The following CORO7 variants were observed in gnomAD, a reference collection of about 807,000 sequenced individuals.
The protein encoded by CORO7 is coronin-7.
A neutral mutation model predicts 126.6 loss-of-function variants in CORO7; 107 were observed. The ratio of observed to expected loss-of-function variants is 0.85; its 90% CI spans 0.72 to 0.99. The LOEUF (loss-of-function observed/expected upper bound fraction) is 0.99, where lower values mean the gene tolerates loss of function less well. CORO7 is among the 50% of genes least tolerant of loss of function. The pLI is 0.00. For synonymous variants in CORO7, 603 were observed against 536.8 expected (o/e 1.12, Z -1.70); for missense variants, 1,314 against 1,255.8 (o/e 1.05, Z -0.70).
chr16:4,368,790 G>A (rs1419356180), intron 9 of CORO7, among the ~76,000 whole-genome samples: 1 of 150,838 alleles, frequency 6.6e-6, no homozygotes. Flanking sequence ...GGGTAACACA[G>A]CAAGACCCTA....
intron 6 of CORO7, among the ~76,000 whole-genome samples, chr16:4,398,023 C>T (rs1170184226): frequency 6.6e-6 from 1 of 152,184 alleles, no homozygotes; most frequent in Admixed American, 6.6e-5. Context: ...TAAAGCAATC[C>T]TCCCACCTCA....
intron 7 of CORO7, among the ~76,000 whole-genome samples, chr16:4,391,944 C>T (rs796285856): frequency 7.9e-5 from 12 of 152,322 alleles, no homozygotes; most frequent in African/African-American, 2.2e-4. Flanking sequence ...GGCGCGTGCC[C>T]GCCCCTTCAT....
At chr16:4,372,094 C>T (rs12927417) in intron 9 of CORO7, 1 of 151,638 alleles carries the variant, frequency 6.6e-6, no homozygotes, top group Non-Finnish European at 1.5e-5. Flanking sequence ...CACACGCACT[C>T]TCGGGCGGGA....
At chr16:4,401,726 A>G (rs543011820) in intron 6 of CORO7, among the ~76,000 whole-genome samples, 1 of 152,206 alleles carries the variant, frequency 6.6e-6, no homozygotes, top group East Asian at 1.9e-4. Context: ...GACAGGCAGG[A>G]CACGAGCGAC....
intron 9 of CORO7, among the ~76,000 whole-genome samples, chr16:4,378,924 A>G (rs138027720): frequency 2.4e-4 from 37 of 152,170 alleles, no homozygotes; most frequent in African/African-American, 8.9e-4. Context: ...CGACTCTGGC[A>G]GTGCGATACT....
chr16:4,364,505 C>T, intron 13 of CORO7, 92 bp from the exon 14 acceptor site: 1 of 1,488,818 alleles, frequency 6.7e-7, no homozygotes, highest in Non-Finnish European at 9.0e-7. Flanking sequence ...GGATGGGGGG[C>T]ACCCAGCAGG....
At chr16:4,356,361 C>G (rs990341659) in intron 26 of CORO7, 7 of 152,332 alleles carry the variant, frequency 4.6e-5, no homozygotes, top group African/African-American at 1.7e-4. Context: ...TCCCAAAGTG[C>G]TGGGATTACA....
At position 4,364,926 on chromosome 16, in the gene CORO7, G is replaced by A. The variant is rs749711120; in HGVS notation, c.899-6C>T. On this transcript the variant is annotated splice_region_variant and splice_polypyrimidine_tract_variant and intron_variant, in intron 11 of 27. Coordinates refer to ENST00000251166, the MANE Select transcript of CORO7 (RefSeq NM_024535.5). Reference sequence around the variant, plus strand: ...CTCCAGGACACACTGGGTCACTGTTGAGGACACCATAGGGGAACAGGCAGG... The same window carrying A: ...CTCCAGGACACACTGGGTCACTGTTAAGGACACCATAGGGGAACAGGCAGG... 3.7e-6 allele frequency: 6 copies of A among 1,610,104 alleles called. No homozygotes were observed. Among genetic ancestry groups the A allele is most frequent in the Non-Finnish European group, 1.7e-6 (2 of 1,178,758 alleles).
intron 10 of CORO7, among the ~76,000 whole-genome samples, 153 bp from the exon 11 acceptor site, chr16:4,365,213 G>A (rs2054310460): frequency 6.6e-6 from 1 of 152,174 alleles, no homozygotes; most frequent in Non-Finnish European, 1.5e-5. Flanking sequence ...GCGCTGAGCT[G>A]AGCCCTAGGC....
In CORO7 at chr16:4,364,242, G is replaced by A. The variant is rs1322145513; in HGVS notation, c.1275+34C>T. On this transcript the variant is annotated intron_variant, in intron 14 of 27. Transcript: ENST00000251166. ...CACTCAGGGCAGCCACTGCAGTGTC[G>A]CTGAGGGAGGATGGGGGCGGCCCTG... 5.3e-6 allele frequency: 8 copies of A among 1,507,458 alleles called. No individual in the cohort carries two copies. The South Asian group carries it at 6.8e-5, about 13-fold the overall frequency. 93.4% of individuals were successfully genotyped at this position (1,507,458 alleles called of 1,614,324 possible). A position where few individuals can be genotyped will look rare whatever the true frequency, so the allele number is the denominator to read the frequency against.
intron 16 of CORO7, 100 bp downstream of exon 16, chr16:4,361,885 A>G: frequency 7.2e-6 from 11 of 1,518,458 alleles, no homozygotes; most frequent in Non-Finnish European, 9.8e-6. Flanking sequence ...AGCCTGACAC[A>G]AGGTTTGTGC....
At chr16:4,389,958 G>A (rs1420544230) in intron 7 of CORO7, among the ~76,000 whole-genome samples, 1 of 152,156 alleles carries the variant, frequency 6.6e-6, no homozygotes, top group Non-Finnish European at 1.5e-5. Context: ...TCAGATAGAG[G>A]GCAGGTGCTG....
At chr16:4,367,647 G>A (rs780691828) in intron 9 of CORO7, among the ~76,000 whole-genome samples, 1 of 152,176 alleles carries the variant, frequency 6.6e-6, no homozygotes, top group Non-Finnish European at 1.5e-5. Flanking sequence ...CCAAGGTCAT[G>A]CAGAAATCAA....
chr16:4,370,589 C>T (rs2054489368), intron 9 of CORO7, among the ~76,000 whole-genome samples: 1 of 152,232 alleles, frequency 6.6e-6, no homozygotes, highest in Non-Finnish European at 1.5e-5. Context: ...TCCATGTAGA[C>T]CGAGAAACGT....
rs1437857049 is a variant in CORO7 at position 4,416,556 on chromosome 16, C to G, written c.-38G>C. 2 of 1,570,372 alleles carry G rather than the reference C, an allele frequency of 1.3e-6. No homozygotes were observed. Among genetic ancestry groups the G allele is most frequent in the African/African-American group, 2.8e-5 (2 of 70,640 alleles). On this transcript the variant is annotated 5_prime_UTR_variant, in exon 1 of 28. Coordinates refer to ENST00000251166, the MANE Select transcript of CORO7 (RefSeq NM_024535.5). ...GGCGGCGGACGCGTCTTCGAGGACC[C>G]CGGGCGTCGGGTCTCAGGTGCACGC...
rs1207730056 is a variant in CORO7, at chr16:4,362,087, C to G, written c.1476G>C (p.Gly492=). 1.2e-6 allele frequency: 2 copies of G among 1,613,142 alleles called. No individual in the cohort carries two copies. The part of the protein sequence containing the change: ...HRDSHITNLK[G]LNLTTPGESD... ...TCTCACCAGGTGTGGTGAGGTTGAG[C>G]CCCTTGAGGTTGGTGATGTGGCTGT... Residue 492 remains glycine, a synonymous_variant, in exon 16 of 28, where the codon GGG becomes GGC. Coordinates refer to ENST00000251166, the MANE Select transcript of CORO7 (RefSeq NM_024535.5). The surrounding 1 kb of genome is among the most constrained non-coding windows in gnomAD (Gnocchi z 5.3).
chr16:4,415,065 G>A (rs537635590), intron 1 of CORO7, among the ~76,000 whole-genome samples: 5 of 151,816 alleles, frequency 3.3e-5, no homozygotes, highest in Admixed American at 3.3e-4. Context: ...GAGGGGTTTC[G>A]CAATGTTGCC....
At chr16:4,387,383 A>T (rs2055229352) in intron 9 of CORO7, among the ~76,000 whole-genome samples, 1 of 152,116 alleles carries the variant, frequency 6.6e-6, no homozygotes, top group Non-Finnish European at 1.5e-5. Flanking sequence ...GGGCAGATGG[A>T]AGGATGAGGT....
chr16:4,395,276 C>T lies in CORO7; in HGVS notation c.615+13G>A. On this transcript the variant is annotated intron_variant, in intron 7 of 27. Coordinates refer to ENST00000251166, the MANE Select transcript of CORO7 (RefSeq NM_024535.5). ...GAGGCTTCAACCCACCCCAGCTTGC[C>T]CACACAACTCACCTGAGAGGCCCGC... The T allele has an allele frequency of 1.2e-6, 2 of 1,614,020 alleles. No individual in the cohort carries two copies. Among genetic ancestry groups the T allele is most frequent in the Non-Finnish European group, 1.7e-6 (2 of 1,179,994 alleles).
Sources: gnomAD v4.1 joint callset for allele counts (sites outside exome capture counted in the v4.1 genomes callset) on GRCh38, gnomAD v4.1.1 for gene constraint, Gnocchi (gnomAD v3.1) non-coding constraint, MANE v1.5 for transcripts, NCBI Gene and HGNC (gene_info 2026-07-23, HGNC 2026-07-21) for gene names.